The following MAP1B variants were observed in gnomAD, a reference collection of about 807,000 sequenced individuals.
The protein encoded by MAP1B is microtubule associated protein 1B, also known as microtubule-associated protein 1B.
MAP1B carries 12 observed loss-of-function variants against 176.1 expected under a neutral mutation model. The observed-to-expected ratio is 0.07, with a 90% CI of 0.04 to 0.11. The LOEUF is 0.11. Among genes scored for constraint, MAP1B ranks in the 10% least tolerant of loss-of-function variants. MAP1B has a pLI of 1.00. For missense variants in MAP1B, 2,523 were observed against 2,990.5 expected (o/e 0.84, Z 3.65); for synonymous variants, 1,044 against 1,135.0 (o/e 0.92, Z 1.61).
At chr5:72,154,367 G>C (rs1178763247) in intron 2 of MAP1B, among the ~76,000 whole-genome samples, 1 of 152,170 alleles carries the variant, frequency 6.6e-6, no homozygotes, top group East Asian at 1.9e-4. Flanking sequence ...GAATGTTTTT[G>C]GTCCCATTCC....
At chr5:72,176,980 G>C (rs1454672963) in intron 2 of MAP1B, among the ~76,000 whole-genome samples, 1 of 152,224 alleles carries the variant, frequency 6.6e-6, no homozygotes. Flanking sequence ...CCTGGAGACA[G>C]ATTCTGTGTA....
chr5:72,151,457 G>GA (rs1218133339), intron 2 of MAP1B, among the ~76,000 whole-genome samples: 1 of 152,142 alleles, frequency 6.6e-6, no homozygotes, highest in Non-Finnish European at 1.5e-5. Context: ...ATAAAGTGAA[G>GA]AAAACAGGAC....
At chr5:72,168,040 G>T (rs574880722) in intron 2 of MAP1B, among the ~76,000 whole-genome samples, 16 of 152,358 alleles carry the variant, frequency 1.1e-4, no homozygotes, top group Middle Eastern at 3.4e-3. Context: ...CTTGGCTCTT[G>T]CCCCTGTCCA....
At position 72,197,200 on chromosome 5, in the gene MAP1B, C is replaced by G. The variant is rs200610946; in HGVS notation, c.3845C>G (p.Thr1282Arg). Residue 1282 changes from threonine (T) to arginine (R), a missense_variant, in exon 5 of 7, where the codon ACG becomes AGG. Transcript: ENST00000296755. ...LGERSVNFSLTPNEIKVSAEA... is the reference protein window; with the variant it reads ...LGERSVNFSLRPNEIKVSAEA... The stretch of plus-strand genomic sequence containing the variant: ...GAACGTAGTGTGAACTTCTCTCTGA[C>G]GCCCAATGAGATTAAAGTCTCTGCA... The G allele has an allele frequency of 2.5e-6, 4 of 1,614,050 alleles. No individual in the cohort carries two copies. In the Admixed American group the frequency reaches 5.0e-5, roughly 20 times the overall value.
At chr5:72,116,627 T>G (rs185490628) in intron 2 of MAP1B, among the ~76,000 whole-genome samples, 1 of 152,238 alleles carries the variant, frequency 6.6e-6, no homozygotes, top group East Asian at 1.9e-4. Flanking sequence ...ATTTAGGAAT[T>G]ATGAGACAGT....
intron 2 of MAP1B, among the ~76,000 whole-genome samples, chr5:72,171,036 C>G (rs1561305186): frequency 1.3e-5 from 2 of 152,124 alleles, no homozygotes; most frequent in African/African-American, 4.8e-5. Context: ...GCTTATCAAG[C>G]CTTCAAAAGT....
chr5:72,198,967 C>T lies in MAP1B; in HGVS notation c.5612C>T (p.Ala1871Val), dbSNP rs774637383. 1 of 1,614,060 alleles carries T rather than the reference C, an allele frequency of 6.2e-7. No homozygotes were observed. ...GGKTPGDFSY[A>V]YQKPEETTRS... is the part of the protein sequence containing the mutation. ...AAGACACCTGGTGACTTTAGCTATG[C>T]CTATCAAAAGCCTGAGGAAACAACC... is the stretch of plus-strand genomic sequence containing the variant. Residue 1871 changes from alanine to valine, a missense_variant, in exon 5 of 7, where the codon GCC (alanine) becomes GTC (valine). This residue lies in a region of MAP1B where 1,925 missense variants were observed against 2,126.0 expected (regional missense o/e 0.91). Transcript: ENST00000296755.
At chr5:72,123,646 G>A (rs995275575) in intron 2 of MAP1B, among the ~76,000 whole-genome samples, 10 of 152,084 alleles carry the variant, frequency 6.6e-5, no homozygotes, top group Admixed American at 2.6e-4. Context: ...CACGACGCCC[G>A]GCTAATTTTT....
intron 2 of MAP1B, among the ~76,000 whole-genome samples, chr5:72,182,208 A>T (rs1439912845): frequency 6.6e-6 from 1 of 151,898 alleles, no homozygotes; most frequent in Non-Finnish European, 1.5e-5. Context: ...TCCAAACAGA[A>T]ACTGTACCCA....
intron 2 of MAP1B, among the ~76,000 whole-genome samples, chr5:72,142,906 G>A (rs1745972631): frequency 6.6e-6 from 1 of 152,132 alleles, no homozygotes; most frequent in South Asian, 2.1e-4. Flanking sequence ...GAGTTTTTAA[G>A]TGATTTGAAG....
At chr5:72,131,194 C>G (rs1357898584) in intron 2 of MAP1B, among the ~76,000 whole-genome samples, 1 of 152,108 alleles carries the variant, frequency 6.6e-6, no homozygotes, top group Non-Finnish European at 1.5e-5. Flanking sequence ...ATGGTGCTAT[C>G]TAAATATGTA....
intron 2 of MAP1B, among the ~76,000 whole-genome samples, chr5:72,133,549 C>T (rs538212390): frequency 2.0e-5 from 3 of 152,340 alleles, no homozygotes; most frequent in East Asian, 1.9e-4. Context: ...ATATGGGCTT[C>T]ACCTCATGCA....
At chr5:72,121,924 T>A (rs1444755405) in intron 2 of MAP1B, among the ~76,000 whole-genome samples, 1 of 152,240 alleles carries the variant, frequency 6.6e-6, no homozygotes, top group African/African-American at 2.4e-5. Context: ...ACCTGCAATT[T>A]CAGAGGGACA....
chr5:72,199,033 A>C lies in MAP1B; in HGVS notation c.5678A>C (p.Glu1893Ala), dbSNP rs1356833883. 4 of 1,614,062 alleles carry C rather than the reference A, an allele frequency of 2.5e-6. No individual in the cohort carries two copies. The African/African-American group carries it at 5.3e-5, about 22-fold the overall frequency. ...DEEDYDYESY[E>A]KTTRTSDVGG... is the part of the protein sequence containing the mutation. ...GAAGATTATGACTATGAGTCTTATGAGAAGACCACCCGGACCTCAGATGTG... is the reference window on the plus strand; with the variant it reads ...GAAGATTATGACTATGAGTCTTATGCGAAGACCACCCGGACCTCAGATGTG... The change falls in exon 5 of 7, where the codon GAG becomes GCG. Residue 1893 changes from glutamate to alanine, a missense_variant. By Grantham distance (107) the Glu-to-Ala change is moderately radical (BLOSUM62 -1). This residue lies in a region of MAP1B where 1,925 missense variants were observed against 2,126.0 expected (regional missense o/e 0.91). Coordinates refer to ENST00000296755, the MANE Select transcript of MAP1B (RefSeq NM_005909.5). This position sits in a 1 kb window ranked among gnomAD's most constrained non-coding sequence, Gnocchi z 4.2.
intron 2 of MAP1B, among the ~76,000 whole-genome samples, chr5:72,132,572 T>G (rs1480190079): frequency 1.3e-5 from 2 of 152,228 alleles, no homozygotes; most frequent in Non-Finnish European, 2.9e-5. Flanking sequence ...TTGAGTGCCT[T>G]AAATGCAGAT....
intron 6 of MAP1B, 70 bp downstream of exon 6, chr5:72,203,871 T>C: frequency 2.8e-6 from 4 of 1,426,362 alleles, no homozygotes; most frequent in Non-Finnish European, 3.9e-6. Flanking sequence ...AGGAACCATG[T>C]TTAAAGAGGC....
intron 2 of MAP1B, among the ~76,000 whole-genome samples, chr5:72,154,057 A>G (rs1427338357): frequency 6.6e-6 from 1 of 152,218 alleles, no homozygotes; most frequent in African/African-American, 2.4e-5. Flanking sequence ...GTAAAACCAA[A>G]ACAAAATAAT....
chr5:72,184,811 T>C (rs1049500311), intron 3 of MAP1B, among the ~76,000 whole-genome samples: 1 of 152,262 alleles, frequency 6.6e-6, no homozygotes, highest in East Asian at 1.9e-4. Flanking sequence ...ATCCTGTTTT[T>C]GTAAATGGAG....
In MAP1B at chr5:72,206,530, C is replaced by T. The variant is rs1353903338; in HGVS notation, c.*1291C>T. 1 of 152,602 alleles carries T rather than the reference C, an allele frequency of 6.6e-6. No individual in the cohort carries two copies. Among genetic ancestry groups the T allele is most frequent in the Non-Finnish European group, 1.5e-5 (1 of 68,024 alleles). 9.5% of individuals were successfully genotyped at this position (152,602 alleles called of 1,614,324 possible). Reference sequence around the variant, plus strand: ...CAGCAAGTGTACAGTATTTACCTTCCTTTGTCTTACATTGGCTTTTTAAAT... The same window carrying T: ...CAGCAAGTGTACAGTATTTACCTTCTTTTGTCTTACATTGGCTTTTTAAAT... On this transcript the variant is annotated 3_prime_UTR_variant, in exon 7 of 7. Transcript: ENST00000296755.
Sources: allele counts gnomAD v4.1 joint callset (sites outside exome capture counted in the v4.1 genomes callset), GRCh38; gene constraint gnomAD v4.1.1; regional missense constraint gnomAD v4.1.1; non-coding constraint Gnocchi (gnomAD v3.1); transcripts MANE v1.5; gene names NCBI Gene and HGNC (gene_info 2026-07-23, HGNC 2026-07-21).